RANBP17: variants seen among roughly 807,000 people sequenced by gnomAD.
RANBP17 encodes the protein ran-binding protein 17.
In RANBP17, 158 loss-of-function variants were observed where a neutral mutation model predicts 141.2. The ratio of observed to expected loss-of-function variants is 1.12; its 90% CI spans 0.98 to 1.28. The LOEUF (loss-of-function observed/expected upper bound fraction) is 1.28. Ranked by LOEUF, RANBP17 falls within the 50% of genes most tolerant of loss-of-function variation. RANBP17 has a pLI of 0.00. For missense variants in RANBP17, 1,438 were observed against 1,290.7 expected (o/e 1.11, Z -1.75); for synonymous variants, 430 against 450.0 (o/e 0.96, Z 0.56).
intron 14 of RANBP17, among the ~76,000 whole-genome samples, chr5:171,163,544 C>G (rs1252036032): frequency 1.3e-5 from 2 of 152,080 alleles, no homozygotes; most frequent in Non-Finnish European, 2.9e-5. Context: ...AAGCCTAAAA[C>G]AAAAATATGA....
At chr5:170,937,792 A>T (rs193005925) in intron 12 of RANBP17, among the ~76,000 whole-genome samples, 142 of 152,274 alleles carry the variant, frequency 9.3e-4, no homozygotes, top group Admixed American at 2.4e-3. Flanking sequence ...AATTTGGATT[A>T]TGTTATTTTA....
chr5:171,086,942 G>GT (rs1194593402), intron 14 of RANBP17, among the ~76,000 whole-genome samples: 2 of 126,474 alleles, frequency 1.6e-5, no homozygotes, highest in African/African-American at 3.1e-5. Context: ...TTTTTGAAGG[G>GT]TTTTTTGTGT....
rs949624738 is a variant in RANBP17 at position 171,060,754 on chromosome 5, G to A, written c.1710+92377G>A. On this transcript the variant is annotated intron_variant, in intron 14 of 27. Transcript: ENST00000523189. ...GGAGGAATGGTACCAGTTCCTCCTT[G>A]TACCTCTGGTAGAATTCGGCTGTGA... Among the ~76,000 whole-genome samples, 16 of 152,044 alleles carry A rather than the reference G, an allele frequency of 1.1e-4. 1 individual carries two copies. Among genetic ancestry groups the A allele is most frequent in the African/African-American group, 3.1e-4 (13 of 41,506 alleles).
At position 171,077,339 on chromosome 5, in the gene RANBP17, CA is replaced by C. The variant is rs1221110017; in HGVS notation, c.1711-92780del. 9.5e-4 allele frequency among the ~76,000 whole-genome samples: 130 copies of C among 136,366 alleles called. 1 individual carries two copies. The South Asian group carries it at 0.014, about 15-fold the overall frequency. 89.5% of individuals were successfully genotyped at this position (136,366 alleles called of 152,430 possible). A position where few individuals can be genotyped will look rare whatever the true frequency, so the allele number is the denominator to read the frequency against. ...TGAGCAACAGAGCGAGACTCCATCT[CA>C]AAAAAAAAAAGAAGTGTACAAGGTA... On this transcript the variant is annotated intron_variant, in intron 14 of 27. Coordinates refer to ENST00000523189, the MANE Select transcript of RANBP17 (RefSeq NM_022897.5).
intron 25 of RANBP17, among the ~76,000 whole-genome samples, chr5:171,273,436 A>G (rs1432497472): frequency 6.6e-6 from 1 of 152,176 alleles, no homozygotes; most frequent in Non-Finnish European, 1.5e-5. Flanking sequence ...AGAAAACCTG[A>G]ATGAGGTAGA....
intron 9 of RANBP17, among the ~76,000 whole-genome samples, chr5:170,916,799 T>C (rs933728474): frequency 6.7e-6 from 1 of 149,534 alleles, no homozygotes; most frequent in Non-Finnish European, 1.5e-5. Context: ...CACTGCAACC[T>C]CTACCTCCCG....
At chr5:171,221,920 C>G in intron 22 of RANBP17, 80 bp downstream of exon 22, 1 of 911,936 alleles carries the variant, frequency 1.1e-6, no homozygotes, top group Non-Finnish European at 1.7e-6. Flanking sequence ...TTATTTTGTT[C>G]TTTTGAACTT....
At chr5:171,269,499 G>C (rs1766958341) in intron 25 of RANBP17, among the ~76,000 whole-genome samples, 1 of 152,160 alleles carries the variant, frequency 6.6e-6, no homozygotes, top group Non-Finnish European at 1.5e-5. Flanking sequence ...ACTTGAAAAA[G>C]AGGGAGTGGG....
At chr5:170,896,433 T>A (rs1271993467) in intron 5 of RANBP17, among the ~76,000 whole-genome samples, 1 of 152,208 alleles carries the variant, frequency 6.6e-6, no homozygotes, top group Non-Finnish European at 1.5e-5. Context: ...ATAAGAAATA[T>A]ATGCAAAAGA....
chr5:170,941,061 G>A (rs1225749069), intron 12 of RANBP17, among the ~76,000 whole-genome samples: 3 of 151,944 alleles, frequency 2.0e-5, no homozygotes, highest in Non-Finnish European at 2.9e-5. Flanking sequence ...TTAAAATAGA[G>A]TTAACACATA....
intron 11 of RANBP17, 118 bp downstream of exon 11, chr5:170,919,731 G>A (rs1244168324): frequency 4.3e-6 from 3 of 694,486 alleles, no homozygotes; most frequent in Non-Finnish European, 7.0e-6. Context: ...TTTCTGACAA[G>A]TGCACACAAT....
At chr5:171,220,795 A>G (rs1343605002) in intron 21 of RANBP17, among the ~76,000 whole-genome samples, 1 of 152,152 alleles carries the variant, frequency 6.6e-6, no homozygotes, top group Admixed American at 6.5e-5. Context: ...ACCTTGTGAA[A>G]TTTTGTTATT....
At chr5:171,235,964 A>G (rs1000852555) in intron 22 of RANBP17, among the ~76,000 whole-genome samples, 2 of 152,196 alleles carry the variant, frequency 1.3e-5, no homozygotes, top group Admixed American at 1.3e-4. Flanking sequence ...TATATTCCCA[A>G]CAATTTTTTA....
At chr5:171,181,502 G>A (rs1760859213) in intron 16 of RANBP17, among the ~76,000 whole-genome samples, 2 of 151,820 alleles carry the variant, frequency 1.3e-5, no homozygotes, top group South Asian at 2.1e-4. Context: ...GCTGAGAGCA[G>A]TGCAATAGGG....
At chr5:170,909,958 T>C (rs1020549316) in intron 6 of RANBP17, 193 bp downstream of exon 6, 6 of 418,874 alleles carry the variant, frequency 1.4e-5, no homozygotes, top group Non-Finnish European at 2.1e-5. Flanking sequence ...GGGCATATGA[T>C]AAGGTGAAAT....
intron 20 of RANBP17, among the ~76,000 whole-genome samples, 162 bp from the exon 21 acceptor site, chr5:171,213,469 C>A (rs931815492): frequency 6.6e-6 from 1 of 151,898 alleles, no homozygotes; most frequent in South Asian, 2.1e-4. Context: ...GGTTAGGGAG[C>A]GCAATTTATA....
At chr5:171,264,069 A>G (rs1165470982) in intron 24 of RANBP17, among the ~76,000 whole-genome samples, 1 of 152,162 alleles carries the variant, frequency 6.6e-6, no homozygotes, top group East Asian at 1.9e-4. Context: ...CTCAACAACA[A>G]CAAAAAGGTG....
chr5:170,976,621 T>C (rs1010703893), intron 14 of RANBP17, among the ~76,000 whole-genome samples: 3 of 152,178 alleles, frequency 2.0e-5, no homozygotes, highest in African/African-American at 7.2e-5. Context: ...TACAATAATA[T>C]TAAGTTATAG....
chr5:171,183,956 T>G (rs1761046023), intron 18 of RANBP17, among the ~76,000 whole-genome samples: 1 of 152,188 alleles, frequency 6.6e-6, no homozygotes, highest in Non-Finnish European at 1.5e-5. Flanking sequence ...AGTGTTACAC[T>G]GGTGCAAATG....
Sources: allele counts gnomAD v4.1 joint callset (sites outside exome capture counted in the v4.1 genomes callset), GRCh38; gene constraint gnomAD v4.1.1; transcripts MANE v1.5; gene names NCBI Gene and HGNC (gene_info 2026-07-23, HGNC 2026-07-21).